The following NLRP11 variants were observed in gnomAD, a reference collection of about 807,000 sequenced individuals.
The protein encoded by NLRP11 is NACHT, LRR and PYD domains-containing protein 11.
In NLRP11, 53 loss-of-function variants were observed where a neutral mutation model predicts 79.3. The ratio of observed to expected loss-of-function variants is 0.67; its 90% CI spans 0.54 to 0.84. NLRP11 has a LOEUF of 0.84. Ranked by LOEUF, NLRP11 falls within the 40% of genes least tolerant of loss-of-function variation. The pLI, the probability that NLRP11 is intolerant of heterozygous loss-of-function variation, is 0.00. For missense variants in NLRP11, 1,264 were observed against 1,255.0 expected, an observed-to-expected ratio of 1.01 and a Z score of -0.11; for synonymous variants, 518 against 462.6, an observed-to-expected ratio of 1.12 and a Z score of -1.54.
At chr19:55,794,314 TGAGATGAAAAAA>T (rs1270343599) in intron 6 of NLRP11, among the ~76,000 whole-genome samples, 2 of 152,152 alleles carry the variant, frequency 1.3e-5, no homozygotes, top group African/African-American at 2.4e-5. Context: ...CTTGTAGATA[TGAGATGAAAAAA>T]ATATCTATTT....
exon 3 of NLRP11, chr19:55,808,936 C>T (rs771136815): frequency 1.9e-6 from 3 of 1,614,102 alleles, no homozygotes; most frequent in Non-Finnish European, 2.5e-6. Context: ...CAATCGTCTT[C>T]ACAAATTCTT....
intron 1 of NLRP11, among the ~76,000 whole-genome samples, chr19:55,823,787 T>C (rs942741836): frequency 6.7e-6 from 1 of 148,960 alleles, no homozygotes; most frequent in Non-Finnish European, 1.5e-5. Flanking sequence ...CTACGTCTGA[T>C]TGGTGTACCT....
chr19:55,796,281 C>T (rs376342722), intron 5 of NLRP11, 31 bp from the exon 6 acceptor site: 5 of 1,576,536 alleles, frequency 3.2e-6, no homozygotes, highest in Non-Finnish European at 4.3e-6. Flanking sequence ...TGAAAAGAGG[C>T]TCCCGCGTTT....
chr19:55,788,400 G>A (rs1990013033), intron 9 of NLRP11, among the ~76,000 whole-genome samples: 1 of 150,960 alleles, frequency 6.6e-6, no homozygotes, highest in African/African-American at 2.4e-5. Flanking sequence ...TGGCAAGAGG[G>A]TTTCTCATCA....
intron 6 of NLRP11, 63 bp from the exon 7 acceptor site, chr19:55,792,534 C>T: frequency 7.4e-7 from 1 of 1,355,978 alleles, no homozygotes; most frequent in Admixed American, 1.7e-5. Context: ...CACCTGAGAC[C>T]ACCCACCCCA....
chr19:55,822,713 A>G (rs1261055004), intron 1 of NLRP11, among the ~76,000 whole-genome samples: 1 of 152,184 alleles, frequency 6.6e-6, no homozygotes, highest in African/African-American at 2.4e-5. Flanking sequence ...ACTGGCTTAA[A>G]AAACGGCGCA....
chr19:55,815,684 A>C (rs1038971157), intron 2 of NLRP11, among the ~76,000 whole-genome samples: 6 of 152,256 alleles, frequency 3.9e-5, no homozygotes, highest in Non-Finnish European at 7.3e-5. Flanking sequence ...CGTCCAGTAA[A>C]GTTCCCATTT....
exon 4 of NLRP11, chr19:55,807,861 G>A (rs1232994579): frequency 6.2e-7 from 1 of 1,609,132 alleles, no homozygotes; most frequent in Admixed American, 1.7e-5. Flanking sequence ...ACTTGAGTGT[G>A]CGAAGTTTAC....
intron 2 of NLRP11, among the ~76,000 whole-genome samples, chr19:55,815,674 C>T (rs944130513): frequency 2.0e-5 from 3 of 152,000 alleles, no homozygotes; most frequent in East Asian, 3.9e-4. Flanking sequence ...GAGAGTATTA[C>T]GTCCAGTAAA....
chr19:55,809,916 C>G lies in NLRP11; in HGVS notation c.694G>C (p.Asp232His), dbSNP rs751479321. ...ACATTTAACTCGAATCTTATGTTGT[C>G]CAAGTCCTCGAGGATGAAAAGGAGT... is the stretch of plus-strand genomic sequence containing the variant. Residue 232 changes from aspartate (D) to histidine (H), a missense_variant, in exon 3 of 10, where the codon GAC (aspartate) becomes CAC (histidine). Coordinates refer to ENST00000589093, the Ensembl canonical transcript of NLRP11. The surrounding 1 kb of genome is among the most constrained non-coding windows in gnomAD (Gnocchi z 4.5). 1.9e-6 allele frequency: 3 copies of G among 1,614,050 alleles called. No homozygotes were observed. Among genetic ancestry groups the G allele is most frequent in the African/African-American group, 2.7e-5 (2 of 74,918 alleles).
intron 1 of NLRP11, among the ~76,000 whole-genome samples, chr19:55,819,816 AAGAC>A (rs775146761): frequency 2.0e-5 from 3 of 152,178 alleles, no homozygotes; most frequent in Non-Finnish European, 4.4e-5. Flanking sequence ...CACCAAATAC[AAGAC>A]AGAGTCACTG....
chr19:55,796,716 T>C (rs1185062936), intron 5 of NLRP11, among the ~76,000 whole-genome samples: 1 of 151,276 alleles, frequency 6.6e-6, no homozygotes, highest in East Asian at 1.9e-4. Context: ...AGATGGAGTC[T>C]TGCTCTGTCG....
intron 6 of NLRP11, among the ~76,000 whole-genome samples, chr19:55,793,148 G>A (rs1379599265): frequency 2.6e-5 from 4 of 152,194 alleles, no homozygotes; most frequent in Admixed American, 2.0e-4. Flanking sequence ...CCAAAGTGCC[G>A]GAATTATAGG....
At chr19:55,836,245 C>T (rs948229859), upstream of NLRP11, 1 of 152,186 alleles carries the variant, frequency 6.6e-6, no homozygotes, top group African/African-American at 2.4e-5. Flanking sequence ...AAATTATAAA[C>T]AGAGTCACCC....
At chr19:55,801,466 C>A in intron 5 of NLRP11, 106 bp downstream of exon 5, 1 of 792,582 alleles carries the variant, frequency 1.3e-6, no homozygotes, top group Non-Finnish European at 2.1e-6. Flanking sequence ...GAATGAGTGA[C>A]ATCAAAAGGT....
chr19:55,821,222 C>A (rs1044700550), intron 1 of NLRP11, among the ~76,000 whole-genome samples: 1 of 103,024 alleles, frequency 9.7e-6, no homozygotes, highest in South Asian at 2.7e-4. Context: ...CACACACACA[C>A]ACACACACAC....
intron 2 of NLRP11, among the ~76,000 whole-genome samples, chr19:55,816,569 C>T (rs1029500159): frequency 2.0e-5 from 3 of 152,124 alleles, no homozygotes; most frequent in African/African-American, 4.8e-5. Flanking sequence ...CCAATGATGA[C>T]GACCTGCATA....
chr19:55,796,060 G>C lies in NLRP11; in HGVS notation c.2342+20C>G. The stretch of plus-strand genomic sequence containing the variant: ...GTCAGTCTGAGCTTCTACGTGGTGA[G>C]CTCGTCTAAGCCAACTTACACCAGT... On this transcript the variant is annotated intron_variant, in intron 6 of 9. Coordinates refer to ENST00000589093, the Ensembl canonical transcript of NLRP11. The C allele has an allele frequency of 6.3e-7, 1 of 1,595,526 alleles. No homozygotes were observed. The highest frequency in any genetic ancestry group is 8.6e-7 in the Non-Finnish European group (1 of 1,164,676).
chr19:55,824,614 C>T (rs1264140836), intron 1 of NLRP11, among the ~76,000 whole-genome samples: 1 of 111,506 alleles, frequency 9.0e-6, no homozygotes, highest in South Asian at 2.5e-4. Flanking sequence ...GGTTGCAATC[C>T]TAGTCTCTGA....
Sources: gnomAD v4.1 joint callset for allele counts (sites outside exome capture counted in the v4.1 genomes callset) on GRCh38, gnomAD v4.1.1 for gene constraint, Gnocchi (gnomAD v3.1) non-coding constraint, MANE v1.5 for transcripts, NCBI Gene and HGNC (gene_info 2026-07-23, HGNC 2026-07-21) for gene names.